Variants in DPH6 observed in about 807,000 individuals in gnomAD.
The protein encoded by DPH6 is diphthine--ammonia ligase.
In DPH6, 33 loss-of-function variants were observed where a neutral mutation model predicts 38.2. The observed-to-expected ratio is 0.86, with a 90% CI of 0.65 to 1.15. The LOEUF is 1.15. Among genes scored for constraint, DPH6 ranks in the 50% most tolerant of loss-of-function variants. The probability of loss-of-function intolerance (pLI) is 0.00; values close to 1 mark genes in which losing one functional copy is unlikely to be tolerated. For synonymous variants in DPH6, 108 were observed against 103.0 expected (o/e 1.05, Z -0.30); for missense variants, 325 against 320.0 (o/e 1.02, Z -0.12).
At chr15:35,295,085 C>T (rs1166785293) in intron 3 of DPH6, among the ~76,000 whole-genome samples, 4 of 152,166 alleles carry the variant, frequency 2.6e-5, no homozygotes, top group Non-Finnish European at 4.4e-5. Flanking sequence ...ACAACGATCT[C>T]ACCTCTACGA....
intron 5 of DPH6, 75 bp downstream of exon 5, chr15:35,450,610 A>C (rs1419954345): frequency 2.5e-6 from 3 of 1,208,112 alleles, no homozygotes; most frequent in Non-Finnish European, 3.6e-6. Context: ...TTCTTTGTTC[A>C]TTTTAACTAC....
At chr15:35,257,772 TTGTG>T (rs60955022) in intron 3 of DPH6, among the ~76,000 whole-genome samples, 5 of 148,658 alleles carry the variant, frequency 3.4e-5, no homozygotes, top group African/African-American at 1.2e-4. Context: ...GGTCTCAGCT[TTGTG>T]TGTGTGTGTG....
At chr15:35,363,615 G>T (rs1470947980) in intron 3 of DPH6, among the ~76,000 whole-genome samples, 1 of 151,924 alleles carries the variant, frequency 6.6e-6, no homozygotes, top group Admixed American at 6.6e-5. Flanking sequence ...TATATTTAAT[G>T]TAATTATTGA....
At chr15:35,155,020 C>T in the DPH6 span, among the ~76,000 whole-genome samples, 1 of 152,186 alleles carries the variant, frequency 6.6e-6, no homozygotes, top group Non-Finnish European at 1.5e-5. Flanking sequence ...CGTTTTACAA[C>T]TGGCTGCTTC....
At chr15:35,396,279 C>T (rs2053130803) in intron 6 of DPH6, 1 of 152,176 alleles carries the variant, frequency 6.6e-6, no homozygotes, top group Admixed American at 6.5e-5. Flanking sequence ...CCGCTCCTAC[C>T]ATCATGACCT....
At chr15:35,160,144 A>G in the DPH6 span, among the ~76,000 whole-genome samples, 13 of 151,992 alleles carry the variant, frequency 8.6e-5, no homozygotes, top group Non-Finnish European at 1.9e-4. Flanking sequence ...CATGCAATAT[A>G]CCTTTGCAGC....
chr15:35,209,871 C>G, the DPH6 span, among the ~76,000 whole-genome samples: 1 of 152,276 alleles, frequency 6.6e-6, no homozygotes, highest in South Asian at 2.1e-4. Flanking sequence ...CTGAATAAAA[C>G]CTTTTCATAA....
the DPH6 span, among the ~76,000 whole-genome samples, chr15:35,199,245 GA>G: frequency 6.6e-6 from 1 of 152,152 alleles, no homozygotes; most frequent in Non-Finnish European, 1.5e-5. Flanking sequence ...ATGATGTCAT[GA>G]AACTTAATGC....
At chr15:35,350,395 TGTTA>T (rs1388514285) in intron 3 of DPH6, among the ~76,000 whole-genome samples, 1 of 151,986 alleles carries the variant, frequency 6.6e-6, no homozygotes, top group African/African-American at 2.4e-5. Context: ...AATTTAGTTT[TGTTA>T]ATTTTTAAAA....
chr15:35,391,640 C>A (rs1408093056), intron 6 of DPH6, among the ~76,000 whole-genome samples: 1 of 152,212 alleles, frequency 6.6e-6, no homozygotes, highest in Non-Finnish European at 1.5e-5. Context: ...ACCCTCCGAA[C>A]CAGGTGTGGG....
intron 2 of DPH6, among the ~76,000 whole-genome samples, chr15:35,538,935 T>C (rs944208296): frequency 1.3e-5 from 2 of 152,070 alleles, no homozygotes; most frequent in African/African-American, 2.4e-5. Flanking sequence ...AAATTTCAGA[T>C]CATTTTGGTA....
chr15:35,358,050 C>T (rs910296232), intron 3 of DPH6, among the ~76,000 whole-genome samples: 2 of 151,972 alleles, frequency 1.3e-5, no homozygotes, highest in Non-Finnish European at 2.9e-5. Flanking sequence ...TTAATGTAAT[C>T]CCAGGCTTCT....
At chr15:35,480,746 A>G (rs2054316411) in intron 3 of DPH6, among the ~76,000 whole-genome samples, 1 of 151,876 alleles carries the variant, frequency 6.6e-6, no homozygotes, top group Admixed American at 6.6e-5. Context: ...ATAATTTTTA[A>G]GTAAGAAAAG....
At chr15:35,356,189 CT>C (rs1002944641) in intron 3 of DPH6, among the ~76,000 whole-genome samples, 1 of 152,128 alleles carries the variant, frequency 6.6e-6, no homozygotes, top group African/African-American at 2.4e-5. Context: ...GTCATGTAAT[CT>C]TTTCTCAAGG....
At chr15:35,521,689 G>A (rs960342559) in intron 3 of DPH6, 1 of 1,231,048 alleles carries the variant, frequency 8.1e-7, no homozygotes, top group Non-Finnish European at 1.0e-6. Context: ...TATTGAAGAA[G>A]AGCAGCATAT....
At chr15:35,255,414 T>C (rs1466538414) in intron 3 of DPH6, among the ~76,000 whole-genome samples, 1 of 152,120 alleles carries the variant, frequency 6.6e-6, no homozygotes, top group Non-Finnish European at 1.5e-5. Flanking sequence ...CTAACCAAAG[T>C]CTCATGATAA....
chr15:35,235,836 C>T (rs946343309), intron 3 of DPH6, among the ~76,000 whole-genome samples: 2 of 152,118 alleles, frequency 1.3e-5, no homozygotes, highest in Non-Finnish European at 2.9e-5. Context: ...ATCTGAGATG[C>T]AAGAAAGTGT....
intron 3 of DPH6, among the ~76,000 whole-genome samples, chr15:35,496,045 T>C (rs573567622): frequency 1.3e-5 from 2 of 152,162 alleles, no homozygotes; most frequent in Non-Finnish European, 2.9e-5. Context: ...CACAAATCAA[T>C]TTCAAGTATA....
At chr15:35,383,490 C>T (rs1046673194) in intron 6 of DPH6, among the ~76,000 whole-genome samples, 1 of 152,198 alleles carries the variant, frequency 6.6e-6, no homozygotes, top group Non-Finnish European at 1.5e-5. Context: ...ACGAGACAAC[C>T]TTCTTGGTCT....
Sources: allele counts gnomAD v4.1 joint callset (sites outside exome capture counted in the v4.1 genomes callset), GRCh38; gene constraint gnomAD v4.1.1; transcripts MANE v1.5; gene names NCBI Gene and HGNC (gene_info 2026-07-23, HGNC 2026-07-21).